The following NELL1 variants were observed in gnomAD, a reference collection of about 807,000 sequenced individuals.
NELL1 encodes protein kinase C-binding protein NELL1.
NELL1 carries 76 observed loss-of-function variants against 107.4 expected under a neutral mutation model. The observed-to-expected ratio is 0.71, with a 90% CI of 0.59 to 0.86. The LOEUF (loss-of-function observed/expected upper bound fraction) is 0.86, where lower values mean the gene tolerates loss of function less well. Among genes scored for constraint, NELL1 ranks in the 40% least tolerant of loss-of-function variants. The pLI is 0.00. For synonymous variants in NELL1, 353 were observed against 341.2 expected (o/e 1.03, Z -0.38); for missense variants, 1,024 against 1,005.5 (o/e 1.02, Z -0.25).
chr11:21,531,347 A>C (rs1855985897), intron 15 of NELL1, among the ~76,000 whole-genome samples: 1 of 152,180 alleles, frequency 6.6e-6, no homozygotes, highest in South Asian at 2.1e-4. Flanking sequence ...TTCTGTAAAT[A>C]ATCCTTTCTT....
chr11:21,069,000 C>G (rs1853946885), intron 12 of NELL1, among the ~76,000 whole-genome samples: 1 of 152,146 alleles, frequency 6.6e-6, no homozygotes, highest in Non-Finnish European at 1.5e-5. Context: ...TTTCTTTGGA[C>G]TCAAATCCTA....
chr11:21,278,311 T>C lies in NELL1; in HGVS notation c.1549+48857T>C, dbSNP rs142982615. ...TAGCTAATGTATTAAGAAAATAAAATAAAAGGTGTAGTTACTGGAAAGAAA... is the reference window on the plus strand; with the variant it reads ...TAGCTAATGTATTAAGAAAATAAAACAAAAGGTGTAGTTACTGGAAAGAAA... On this transcript the variant is annotated intron_variant, in intron 14 of 19. Coordinates refer to ENST00000357134, the MANE Select transcript of NELL1 (RefSeq NM_006157.5). Among the ~76,000 whole-genome samples the C allele has an allele frequency of 3.0e-3, 449 of 152,168 alleles. 4 individuals are homozygous for C. The highest frequency in any genetic ancestry group is 0.01 in the African/African-American group (432 of 41,540).
intron 3 of NELL1, among the ~76,000 whole-genome samples, chr11:20,832,228 G>C (rs572357365): frequency 2.5e-4 from 38 of 152,272 alleles, no homozygotes; most frequent in African/African-American, 8.9e-4. Context: ...GTTCTTCTTA[G>C]TGACCGTACA....
rs750969256 is a variant in NELL1, at chr11:21,529,413, T to A, written c.1646-4961T>A. Reference sequence around the variant, plus strand: ...ACAAGAGATAGAAGAACTAGCCTGTTTCTGCCTCAGGGTCTTTGCATGTTA... The same window carrying A: ...ACAAGAGATAGAAGAACTAGCCTGTATCTGCCTCAGGGTCTTTGCATGTTA... On this transcript the variant is annotated intron_variant, in intron 15 of 19. Transcript: ENST00000357134. Among the ~76,000 whole-genome samples the A allele has an allele frequency of 4.6e-5, 7 of 152,326 alleles. No homozygotes were observed. The South Asian group carries it at 1.4e-3, about 32-fold the overall frequency.
intron 2 of NELL1, among the ~76,000 whole-genome samples, chr11:20,701,557 G>A (rs917353289): frequency 5.9e-5 from 9 of 152,026 alleles, no homozygotes; most frequent in Non-Finnish European, 1.2e-4. Flanking sequence ...CATTGCTTTT[G>A]GTGTTTTAGA....
chr11:21,327,889 G>A (rs190744984), intron 14 of NELL1, among the ~76,000 whole-genome samples: 2 of 152,258 alleles, frequency 1.3e-5, no homozygotes, highest in East Asian at 1.9e-4. Context: ...GGAGATCTGT[G>A]GAACTTTGAA....
chr11:21,505,560 A>G (rs922606249), intron 15 of NELL1, among the ~76,000 whole-genome samples: 4 of 152,130 alleles, frequency 2.6e-5, no homozygotes, highest in African/African-American at 9.7e-5. Context: ...AAATACTTCA[A>G]TGTTTCCTGA....
intron 14 of NELL1, among the ~76,000 whole-genome samples, chr11:21,367,301 C>A (rs1019787325): frequency 7.7e-6 from 1 of 129,354 alleles, no homozygotes; most frequent in African/African-American, 2.9e-5. Flanking sequence ...CACACACACA[C>A]AATCTATTTT....
chr11:21,457,104 G>T (rs561660737), intron 15 of NELL1, among the ~76,000 whole-genome samples: 1 of 152,240 alleles, frequency 6.6e-6, no homozygotes, highest in African/African-American at 2.4e-5. Flanking sequence ...AGTAGGAAGG[G>T]ATATGTAAGT....
intron 2 of NELL1, among the ~76,000 whole-genome samples, chr11:20,783,285 A>G (rs904548203): frequency 3.3e-5 from 5 of 152,134 alleles, no homozygotes; most frequent in African/African-American, 1.2e-4. Context: ...TTATCCGACT[A>G]CCTCTCACCT....
intron 7 of NELL1, among the ~76,000 whole-genome samples, chr11:20,922,380 G>C (rs1850398181): frequency 6.6e-6 from 1 of 151,664 alleles, no homozygotes; most frequent in African/African-American, 2.4e-5. Context: ...TTTATATATT[G>C]AATACAGCAG....
chr11:20,807,401 A>C (rs892243932), intron 3 of NELL1, among the ~76,000 whole-genome samples: 2 of 152,158 alleles, frequency 1.3e-5, no homozygotes, highest in African/African-American at 4.8e-5. Context: ...TTTCTCCCCC[A>C]AAAAACAGAG....
intron 4 of NELL1, among the ~76,000 whole-genome samples, chr11:20,863,477 C>G (rs1219702087): frequency 1.5e-5 from 2 of 136,036 alleles, no homozygotes; most frequent in Non-Finnish European, 3.3e-5. Flanking sequence ...ACGGGGCGGC[C>G]GGGCAGAGAC....
chr11:20,673,810 C>T (rs1853980337), intron 1 of NELL1, among the ~76,000 whole-genome samples: 1 of 151,924 alleles, frequency 6.6e-6, no homozygotes, highest in South Asian at 2.1e-4. Flanking sequence ...AGGGCAGGAG[C>T]TCCATGCTTG....
chr11:21,118,222 A>G lies in NELL1; in HGVS notation c.1426+4508A>G, dbSNP rs181166172. Among the ~76,000 whole-genome samples the G allele has an allele frequency of 2.4e-3, 362 of 151,882 alleles. 1 individual carries two copies. The highest frequency in any genetic ancestry group is 8.2e-3 in the African/African-American group (340 of 41,532). ...GTGTTTGAAATGTTTTCTGAAAGCA[A>G]TGGGGGGCTGTGGGAATTGACTGAG... On this transcript the variant is annotated intron_variant, in intron 13 of 19. Coordinates refer to ENST00000357134, the MANE Select transcript of NELL1 (RefSeq NM_006157.5).
At chr11:20,841,319 GTT>G (rs397772940) in intron 3 of NELL1, among the ~76,000 whole-genome samples, 39 of 123,454 alleles carry the variant, frequency 3.2e-4, no homozygotes, top group Admixed American at 3.3e-4. Flanking sequence ...CTCTGCTCAT[GTT>G]TTTTTTTTTT....
At chr11:21,333,125 G>A (rs775501695) in intron 14 of NELL1, among the ~76,000 whole-genome samples, 8 of 151,970 alleles carry the variant, frequency 5.3e-5, no homozygotes, top group Non-Finnish European at 1.2e-4. Context: ...AGATAATACT[G>A]TGTGCTTCCT....
intron 13 of NELL1, among the ~76,000 whole-genome samples, chr11:21,222,503 T>C (rs1231711493): frequency 1.3e-5 from 2 of 152,064 alleles, no homozygotes; most frequent in Admixed American, 6.6e-5. Context: ...GCTGATCTTT[T>C]GTATTGTTTA....
intron 15 of NELL1, among the ~76,000 whole-genome samples, chr11:21,396,285 T>TTC: frequency 6.6e-6 from 1 of 151,780 alleles, no homozygotes; most frequent in South Asian, 2.1e-4. Flanking sequence ...TTCACCCACA[T>TTC]TTATATGATT....
Sources: allele counts gnomAD v4.1 joint callset (sites outside exome capture counted in the v4.1 genomes callset), GRCh38; gene constraint gnomAD v4.1.1; transcripts MANE v1.5; gene names NCBI Gene and HGNC (gene_info 2026-07-23, HGNC 2026-07-21).